Variants in RAPGEF6 observed in about 807,000 individuals in gnomAD.
RAPGEF6 encodes PDZ domain containing guanine nucleotide exchange factor (GEF) 2.
Under a neutral mutation model 171.4 loss-of-function variants are expected in RAPGEF6, and 56 were observed. The ratio of observed to expected loss-of-function variants is 0.33; its 90% CI spans 0.26 to 0.41. The LOEUF (loss-of-function observed/expected upper bound fraction) is 0.41. Ranked by LOEUF, RAPGEF6 falls within the 10% of genes least tolerant of loss-of-function variation. The probability of loss-of-function intolerance (pLI) is 1.00; values close to 1 mark genes in which losing one functional copy is unlikely to be tolerated. For missense variants in RAPGEF6, 1,674 were observed against 1,921.4 expected, an observed-to-expected ratio of 0.87 and a Z score of 2.41; for synonymous variants, 692 against 650.1, an observed-to-expected ratio of 1.06 and a Z score of -0.98.
chr5:131,563,287 C>G (rs894372815), intron 4 of RAPGEF6, among the ~76,000 whole-genome samples: 1 of 151,872 alleles, frequency 6.6e-6, no homozygotes, highest in African/African-American at 2.4e-5. Flanking sequence ...CAAAAAACAT[C>G]TAATAAATAA....
At chr5:131,565,989 A>AT (rs1415760314) in intron 4 of RAPGEF6, among the ~76,000 whole-genome samples, 1 of 152,070 alleles carries the variant, frequency 6.6e-6, no homozygotes, top group Non-Finnish European at 1.5e-5. Context: ...CTACAAAAAA[A>AT]CACAAAAATC....
At chr5:131,570,932 T>TC (rs1442194517) in intron 4 of RAPGEF6, among the ~76,000 whole-genome samples, 1 of 147,782 alleles carries the variant, frequency 6.8e-6, no homozygotes, top group Non-Finnish European at 1.5e-5. Flanking sequence ...CACGTCTTCA[T>TC]CCCCAACTAC....
intron 11 of RAPGEF6, among the ~76,000 whole-genome samples, chr5:131,501,003 C>A (rs1318146103): frequency 1.3e-5 from 2 of 152,020 alleles, no homozygotes; most frequent in African/African-American, 2.4e-5. Context: ...CCTGTAATCC[C>A]AGCACTTCTG....
At chr5:131,434,869 C>G (rs990986450) in intron 24 of RAPGEF6, among the ~76,000 whole-genome samples, 11 of 152,012 alleles carry the variant, frequency 7.2e-5, no homozygotes, top group South Asian at 6.2e-4. Flanking sequence ...AAGAAAATGC[C>G]CTAGTAATCC....
intron 27 of RAPGEF6, 26 bp from the exon 28 acceptor site, chr5:131,427,317 C>CCGGGCGCGG: frequency 6.4e-7 from 1 of 1,571,656 alleles, no homozygotes; most frequent in Non-Finnish European, 8.7e-7. Flanking sequence ...ATATAATTAA[C>CCGGGCGCGG]TGGCAGATCA....
At chr5:131,505,094 T>C (rs988817370) in intron 10 of RAPGEF6, among the ~76,000 whole-genome samples, 4 of 152,142 alleles carry the variant, frequency 2.6e-5, no homozygotes, top group African/African-American at 9.7e-5. Flanking sequence ...CTTTCCTTTT[T>C]TTTTTTTAAA....
At chr5:131,501,234 G>A (rs1363163699) in intron 11 of RAPGEF6, among the ~76,000 whole-genome samples, 3 of 151,974 alleles carry the variant, frequency 2.0e-5, no homozygotes, top group African/African-American at 7.3e-5. Context: ...TACCTAGGAG[G>A]CTGAGGCACA....
chr5:131,572,257 G>A lies in RAPGEF6; in HGVS notation c.282-10210C>T, dbSNP rs190162733. ...CGTGAGGAGATCCACCTATGACCCTGGGTCATCAGACCAGCCAGTCCAAGG... is the reference window on the plus strand; with the variant it reads ...CGTGAGGAGATCCACCTATGACCCTAGGTCATCAGACCAGCCAGTCCAAGG... On this transcript the variant is annotated intron_variant, in intron 4 of 27. Transcript: ENST00000509018. 6.0e-4 allele frequency among the ~76,000 whole-genome samples: 91 copies of A among 152,204 alleles called. 1 individual carries two copies. The highest frequency in any genetic ancestry group is 9.1e-4 in the Non-Finnish European group (62 of 68,004).
chr5:131,520,132 C>G (rs1758375854), intron 7 of RAPGEF6, among the ~76,000 whole-genome samples: 1 of 152,222 alleles, frequency 6.6e-6, no homozygotes, highest in South Asian at 2.1e-4. Flanking sequence ...TGCCTACAAA[C>G]TTCCCTGAAT....
At chr5:131,494,928 G>C (rs745567204) in intron 13 of RAPGEF6, among the ~76,000 whole-genome samples, 1 of 152,172 alleles carries the variant, frequency 6.6e-6, no homozygotes, top group Non-Finnish European at 1.5e-5. Context: ...AAGAAAAAGA[G>C]ACTGAGGGTA....
chr5:131,491,535 C>T (rs1756282471), intron 14 of RAPGEF6, among the ~76,000 whole-genome samples: 1 of 152,170 alleles, frequency 6.6e-6, no homozygotes, highest in East Asian at 1.9e-4. Flanking sequence ...AGCAGGGGTC[C>T]CCAACCACCA....
chr5:131,615,751 A>T (rs1765225158), intron 1 of RAPGEF6, among the ~76,000 whole-genome samples: 1 of 152,072 alleles, frequency 6.6e-6, no homozygotes, highest in African/African-American at 2.4e-5. Context: ...AATACAAAAA[A>T]ATTAGCTGGG....
At chr5:131,507,076 A>G (rs1011178110) in intron 9 of RAPGEF6, among the ~76,000 whole-genome samples, 1 of 149,730 alleles carries the variant, frequency 6.7e-6, no homozygotes, top group East Asian at 1.9e-4. Flanking sequence ...TATATATTAT[A>G]ACCTACAGCT....
At chr5:131,486,270 G>A (rs1279047603) in intron 15 of RAPGEF6, among the ~76,000 whole-genome samples, 1 of 152,212 alleles carries the variant, frequency 6.6e-6, no homozygotes, top group African/African-American at 2.4e-5. Flanking sequence ...ACATCACTTT[G>A]GGATATGGTC....
intron 1 of RAPGEF6, among the ~76,000 whole-genome samples, chr5:131,621,172 C>T (rs1416293326): frequency 2.6e-5 from 4 of 152,198 alleles, no homozygotes; most frequent in African/African-American, 9.7e-5. Context: ...CCTTGGTATC[C>T]ACTGGGTTCA....
intron 4 of RAPGEF6, among the ~76,000 whole-genome samples, chr5:131,591,304 C>A (rs1292987719): frequency 6.6e-6 from 1 of 152,168 alleles, no homozygotes; most frequent in Non-Finnish European, 1.5e-5. Flanking sequence ...GCCCTAAAAT[C>A]TTAATAATTA....
chr5:131,591,250 G>C (rs1023418009), intron 4 of RAPGEF6, among the ~76,000 whole-genome samples: 1 of 152,082 alleles, frequency 6.6e-6, no homozygotes, highest in African/African-American at 2.4e-5. Flanking sequence ...TGGGAAAAAA[G>C]TCACAAAAAA....
chr5:131,556,418 TAAG>T (rs199884330), intron 5 of RAPGEF6, among the ~76,000 whole-genome samples: 21 of 151,616 alleles, frequency 1.4e-4, no homozygotes, highest in South Asian at 6.3e-4. Flanking sequence ...AAAATAATAA[TAAG>T]AAGAAGAAAA....
chr5:131,440,814 T>A (rs2149812842), intron 23 of RAPGEF6, among the ~76,000 whole-genome samples: 1 of 151,474 alleles, frequency 6.6e-6, no homozygotes, highest in South Asian at 2.1e-4. Context: ...AGTGGTGATA[T>A]TCAAGTAAAA....
Sources: allele counts gnomAD v4.1 joint callset (sites outside exome capture counted in the v4.1 genomes callset), GRCh38; gene constraint gnomAD v4.1.1; transcripts MANE v1.5; gene names NCBI Gene and HGNC (gene_info 2026-07-23, HGNC 2026-07-21).